The following DIAPH1 variants were observed in gnomAD, a reference collection of about 807,000 sequenced individuals.
The protein encoded by DIAPH1 is diaphanous related formin 1.
DIAPH1 carries 46 observed loss-of-function variants against 140.7 expected under a neutral mutation model. The ratio of observed to expected loss-of-function variants is 0.33; its 90% CI spans 0.26 to 0.42. The LOEUF (loss-of-function observed/expected upper bound fraction) is 0.42, where lower values mean the gene tolerates loss of function less well. DIAPH1 is among the 10% of genes least tolerant of loss of function. DIAPH1 has a pLI of 1.00. For synonymous variants in DIAPH1, 565 were observed against 551.6 expected (o/e 1.02, Z -0.34); for missense variants, 1,310 against 1,558.7 (o/e 0.84, Z 2.69).
Position 141,527,716 on chromosome 5 carries a change from A to AC in DIAPH1, c.3149-20_3149-19insG, listed in dbSNP as rs761131175. ...GCAGAAACTAAAAAAAAAAAAAAAAAAAAAAACCATAAAAACAGACAGCAA... is the reference window on the plus strand; with the variant it reads ...GCAGAAACTAAAAAAAAAAAAAAAAACAAAAAACCATAAAAACAGACAGCAA... On this transcript the variant is annotated intron_variant, in intron 23 of 27. Coordinates refer to ENST00000389054, the MANE Select transcript of DIAPH1 (RefSeq NM_005219.5). 1.4e-5 allele frequency: 22 copies of AC among 1,565,706 alleles called. No individual in the cohort carries two copies. The highest frequency in any genetic ancestry group is 1.6e-5 in the Non-Finnish European group (19 of 1,157,894).
intron 1 of DIAPH1, among the ~76,000 whole-genome samples, chr5:141,601,333 C>G (rs1327821296): frequency 1.3e-5 from 2 of 151,728 alleles, no homozygotes; most frequent in African/African-American, 4.8e-5. Flanking sequence ...ACTCTGTCAC[C>G]CAGGCTAACG....
chr5:141,584,978 G>A lies in DIAPH1; in HGVS notation c.301-753C>T, dbSNP rs577529960. Among the ~76,000 whole-genome samples, 255 of 150,252 alleles carry A rather than the reference G, an allele frequency of 1.7e-3. 1 individual carries two copies. The highest frequency in any genetic ancestry group is 5.5e-3 in the African/African-American group (227 of 40,902). ...CTGGTGGGTTTTTTTTTTTTGAGAC[G>A]GAGTCTCACTCTGTCACCCAGGCTG... On this transcript the variant is annotated intron_variant, in intron 3 of 27. Coordinates refer to ENST00000389054, the MANE Select transcript of DIAPH1 (RefSeq NM_005219.5).
intron 1 of DIAPH1, among the ~76,000 whole-genome samples, chr5:141,609,724 G>A (rs1011993843): frequency 6.6e-6 from 1 of 152,124 alleles, no homozygotes; most frequent in South Asian, 2.1e-4. Context: ...TATCTATAAA[G>A]ATGCTAAACA....
chr5:141,529,019 T>A, intron 21 of DIAPH1, 78 bp from the exon 22 acceptor site: 10 of 1,606,216 alleles, frequency 6.2e-6, no homozygotes, highest in Non-Finnish European at 8.5e-6. Flanking sequence ...GAGCCTCCTA[T>A]GGGAGGATCA....
intron 18 of DIAPH1, 116 bp from the exon 19 acceptor site, chr5:141,534,549 A>G (rs2099888728): frequency 3.8e-6 from 3 of 788,346 alleles, no homozygotes; most frequent in Admixed American, 2.1e-5. Flanking sequence ...ATAATGGTCT[A>G]TTGTATTCCT....
chr5:141,618,511 C>T (rs1411920071), intron 1 of DIAPH1: 15 of 324,998 alleles, frequency 4.6e-5, no homozygotes, highest in Non-Finnish European at 8.0e-5. Context: ...AGGGGAGAGA[C>T]GGGGCTGAGA....
At chr5:141,569,541 T>C (rs2099894841) in intron 18 of DIAPH1, among the ~76,000 whole-genome samples, 1 of 152,104 alleles carries the variant, frequency 6.6e-6, no homozygotes, top group Admixed American at 6.5e-5. Flanking sequence ...GGTGGGCAGA[T>C]CACCTGAGGT....
chr5:141,545,181 T>C (rs1314004093), intron 18 of DIAPH1, among the ~76,000 whole-genome samples: 1 of 152,142 alleles, frequency 6.6e-6, no homozygotes, highest in Non-Finnish European at 1.5e-5. Flanking sequence ...CAAATGAACA[T>C]GAAGGAACTT....
intron 18 of DIAPH1, among the ~76,000 whole-genome samples, chr5:141,571,145 TGTAAG>T (rs1380058582): frequency 4.6e-5 from 7 of 152,180 alleles, no homozygotes; most frequent in Non-Finnish European, 8.8e-5. Flanking sequence ...ACAGCACAAA[TGTAAG>T]GTAATAGTAT....
intron 1 of DIAPH1, among the ~76,000 whole-genome samples, chr5:141,608,882 G>A (rs1018447749): frequency 6.6e-6 from 1 of 152,070 alleles, no homozygotes; most frequent in African/African-American, 2.4e-5. Context: ...GATAACTATA[G>A]AGACAGTCTA....
chr5:141,527,245 GAAA>G lies in DIAPH1; in HGVS notation c.3273+325_3273+327del, dbSNP rs539699952. ...AACAAAGTGAGACCCCATCTCTAAAGAAAAAAAGGTTACAAAAAGTTTAGCAGG... is the reference window on the plus strand; with the variant it reads ...AACAAAGTGAGACCCCATCTCTAAAGAAAAGGTTACAAAAAGTTTAGCAGG... On this transcript the variant is annotated intron_variant, in intron 24 of 27. Coordinates refer to ENST00000389054, the MANE Select transcript of DIAPH1 (RefSeq NM_005219.5). Among the ~76,000 whole-genome samples the G allele has an allele frequency of 6.6e-5, 10 of 151,864 alleles. No individual in the cohort carries two copies. In the South Asian group the frequency reaches 2.1e-3, roughly 32 times the overall value.
intron 18 of DIAPH1, chr5:141,535,981 C>T (rs1431494687): frequency 2.1e-6 from 1 of 467,682 alleles, no homozygotes; most frequent in Non-Finnish European, 4.4e-6. Context: ...AAGTTACATA[C>T]AAAAGGTACA....
intron 1 of DIAPH1, among the ~76,000 whole-genome samples, chr5:141,596,298 A>G (rs2099899312): frequency 6.6e-6 from 1 of 151,874 alleles, no homozygotes; most frequent in South Asian, 2.1e-4. Flanking sequence ...GCACCACTGC[A>G]CTCCAGCCTG....
chr5:141,573,922 G>C lies in DIAPH1; in HGVS notation c.1928C>G (p.Pro643Arg), dbSNP rs746803459. ...LPGGTAISPP[P>R]PLSGDATIPP... The stretch of plus-strand genomic sequence containing the variant: ...GATGGTAGCATCCCCAGACAAAGGA[G>C]GGGGTGGAGAGATAGCAGTACCTCC... Residue 643 changes from proline (P) to arginine (R), a missense_variant, in exon 16 of 28, where the codon CCT becomes CGT. Coordinates refer to ENST00000389054, the MANE Select transcript of DIAPH1 (RefSeq NM_005219.5). The C allele has an allele frequency of 1.3e-6, 2 of 1,552,580 alleles. No individual in the cohort carries two copies. Among genetic ancestry groups the C allele is most frequent in the Non-Finnish European group, 1.7e-6 (2 of 1,147,966 alleles).
intron 1 of DIAPH1, among the ~76,000 whole-genome samples, chr5:141,592,102 A>G (rs2099898582): frequency 6.6e-6 from 1 of 151,326 alleles, no homozygotes; most frequent in South Asian, 2.1e-4. Context: ...AAAAAGAAAG[A>G]AAGAAAATTT....
intron 18 of DIAPH1, among the ~76,000 whole-genome samples, chr5:141,566,220 G>A (rs147208236): frequency 2.2e-4 from 33 of 152,244 alleles, no homozygotes; most frequent in African/African-American, 7.9e-4. Context: ...CTAGAACGGG[G>A]GAATGGTTGA....
intron 18 of DIAPH1, among the ~76,000 whole-genome samples, chr5:141,548,277 C>A (rs2099891129): frequency 7.4e-6 from 1 of 135,116 alleles, no homozygotes. Flanking sequence ...CAGTGGAATT[C>A]TTTAAAAAAA....
intron 18 of DIAPH1, among the ~76,000 whole-genome samples, chr5:141,540,246 G>A (rs11749281): frequency 0.13 from 20,272 of 151,058 alleles, 1,340 homozygotes; most frequent in South Asian, 0.17. Flanking sequence ...CCTCCTTCTC[G>A]AGTAGCTGGG....
intron 1 of DIAPH1, among the ~76,000 whole-genome samples, chr5:141,616,788 G>C (rs561370758): frequency 6.6e-6 from 1 of 152,238 alleles, no homozygotes; most frequent in African/African-American, 2.4e-5. Flanking sequence ...GCAGATTAAG[G>C]GTTAAGACTA....
Sources: gnomAD v4.1 joint callset for allele counts (sites outside exome capture counted in the v4.1 genomes callset) on GRCh38, gnomAD v4.1.1 for gene constraint, MANE v1.5 for transcripts, NCBI Gene and HGNC (gene_info 2026-07-23, HGNC 2026-07-21) for gene names.